ARGLU1: variants seen among roughly 807,000 people sequenced by gnomAD.
ARGLU1 encodes the protein arginine and glutamate-rich protein 1.
In ARGLU1, 9 loss-of-function variants were observed where a neutral mutation model predicts 37.6. That is an observed-to-expected ratio of 0.24 (90% CI 0.14 to 0.42). The LOEUF is 0.42. ARGLU1 is among the 10% of genes least tolerant of loss of function. The pLI, the probability that ARGLU1 is intolerant of heterozygous loss-of-function variation, is 1.00. For missense variants in ARGLU1, 211 were observed against 359.2 expected, an observed-to-expected ratio of 0.59 and a Z score of 3.34; for synonymous variants, 166 against 138.5, an observed-to-expected ratio of 1.20 and a Z score of -1.39.
chr13:106,546,034 G>A (rs148652154), intron 3 of ARGLU1, among the ~76,000 whole-genome samples: 9 of 152,088 alleles, frequency 5.9e-5, no homozygotes, highest in East Asian at 1.9e-4. Flanking sequence ...TTTCCCTTCC[G>A]CCACTCAAAT....
In ARGLU1 at chr13:106,547,097, A is replaced by G. The variant is rs1365160837; in HGVS notation, c.658-2937T>C. ...CTGGCCACCACTTTTCTCTCTCTCT[A>G]GGGCCCTCTCTGTCTAGCTTGCTCG... On this transcript the variant is annotated intron_variant, in intron 3 of 3. Transcript: ENST00000400198. Among the ~76,000 whole-genome samples the G allele has an allele frequency of 6.6e-5, 10 of 152,084 alleles. No individual in the cohort carries two copies. The South Asian group carries it at 2.1e-3, about 32-fold the overall frequency.
chr13:106,559,717 C>T, intron 1 of ARGLU1, 60 bp from the exon 2 acceptor site: 2 of 1,522,966 alleles, frequency 1.3e-6, no homozygotes, highest in South Asian at 2.6e-5. Context: ...TAAATTTAAA[C>T]AAAACTAGTT....
At chr13:106,556,119 G>A (rs1303009978) in intron 3 of ARGLU1, among the ~76,000 whole-genome samples, 1 of 152,114 alleles carries the variant, frequency 6.6e-6, no homozygotes, top group Non-Finnish European at 1.5e-5. Flanking sequence ...TTATTCATAA[G>A]CATGCAGCAA....
chr13:106,559,851 T>C (rs1181108288), intron 1 of ARGLU1, among the ~76,000 whole-genome samples, 194 bp from the exon 2 acceptor site: 1 of 152,202 alleles, frequency 6.6e-6, no homozygotes, highest in Admixed American at 6.5e-5. Context: ...CAAATGAGTA[T>C]AAAATCTTTT....
chr13:106,543,825 G>GAAA lies in ARGLU1; in HGVS notation c.*168_*170dup, dbSNP rs11349875. Reference sequence around the variant, plus strand: ...TGATAAGGATTTGACTTAGTGGAAGGAAAAAAAAAAAAAAAAAGGGAATTG... The same window carrying GAAA: ...TGATAAGGATTTGACTTAGTGGAAGGAAAAAAAAAAAAAAAAAAAAGGGAATTG... On this transcript the variant is annotated 3_prime_UTR_variant, in exon 4 of 4. Transcript: ENST00000400198. 4.0e-3 allele frequency: 1,627 copies of GAAA among 409,058 alleles called. 19 individuals carry two copies. The highest frequency in any genetic ancestry group is 0.036 in the African/African-American group (1,380 of 37,954). The allele number at this position is 409,058 out of a possible 1,614,324, so 25.3% of individuals were successfully genotyped here. A position where few individuals can be genotyped will look rare whatever the true frequency, so the allele number is the denominator to read the frequency against.
At chr13:106,548,851 C>A (rs892783454) in intron 3 of ARGLU1, among the ~76,000 whole-genome samples, 4 of 152,144 alleles carry the variant, frequency 2.6e-5, no homozygotes, top group African/African-American at 9.7e-5. Context: ...CGGGTTCATG[C>A]GATTCTCCTG....
At chr13:106,544,188 T>G in intron 3 of ARGLU1, 28 bp from the exon 4 acceptor site, 1 of 1,508,504 alleles carries the variant, frequency 6.6e-7, no homozygotes, top group African/African-American at 1.4e-5. Flanking sequence ...AAATTAATTA[T>G]AGAAATGTAT....
At chr13:106,553,871 T>C (rs1349292100) in intron 3 of ARGLU1, among the ~76,000 whole-genome samples, 1 of 152,246 alleles carries the variant, frequency 6.6e-6, no homozygotes, top group Non-Finnish European at 1.5e-5. Flanking sequence ...TATAATCCAC[T>C]TTCCACACAA....
At chr13:106,559,729 T>A in intron 1 of ARGLU1, 72 bp from the exon 2 acceptor site, 1 of 1,482,878 alleles carries the variant, frequency 6.7e-7, no homozygotes, top group Non-Finnish European at 9.1e-7. Context: ...AAACTAGTTT[T>A]AAGTCTATCA....
At chr13:106,545,619 A>G (rs887740271) in intron 3 of ARGLU1, among the ~76,000 whole-genome samples, 2 of 152,228 alleles carry the variant, frequency 1.3e-5, no homozygotes, top group Non-Finnish European at 2.9e-5. Flanking sequence ...TTTATGGCAG[A>G]GGAAGATGGA....
At chr13:106,544,910 A>C (rs563466062) in intron 3 of ARGLU1, among the ~76,000 whole-genome samples, 6 of 152,248 alleles carry the variant, frequency 3.9e-5, no homozygotes, top group Non-Finnish European at 8.8e-5. Context: ...GGTATAACTG[A>C]TTCCACTCCT....
intron 2 of ARGLU1, chr13:106,558,835 T>C (rs996793011): frequency 1.6e-4 from 162 of 985,322 alleles, no homozygotes; most frequent in Non-Finnish European, 1.9e-4. Flanking sequence ...AAAGATTCCT[T>C]GAAACACATT....
At position 106,543,928 on chromosome 13, in the gene ARGLU1, C is replaced by G. The variant is rs1321376976; in HGVS notation, c.*68G>C. 35 of 1,451,094 alleles carry G rather than the reference C, an allele frequency of 2.4e-5. No individual in the cohort carries two copies. The highest frequency in any genetic ancestry group is 3.1e-5 in the Non-Finnish European group (34 of 1,086,952). 89.9% of individuals were successfully genotyped at this position (1,451,094 alleles called of 1,614,324 possible). ...AAAAACAAAAACAAAAACAAAAAAC[C>G]ACTTCAACATGAAGCTACCATACAA... is the stretch of plus-strand genomic sequence containing the variant. On this transcript the variant is annotated 3_prime_UTR_variant, in exon 4 of 4. Coordinates refer to ENST00000400198, the MANE Select transcript of ARGLU1 (RefSeq NM_018011.4).
chr13:106,546,443 C>T (rs151161157), intron 3 of ARGLU1, among the ~76,000 whole-genome samples: 66 of 152,324 alleles, frequency 4.3e-4, no homozygotes, highest in African/African-American at 1.6e-3. Context: ...TTCTTTCCTT[C>T]TATGGAAATC....
rs988273946 is a variant in ARGLU1, at chr13:106,542,359, A to T, written c.*1637T>A. The T allele has an allele frequency of 6.6e-6, 1 of 152,142 alleles. No individual in the cohort carries two copies. Among genetic ancestry groups the T allele is most frequent in the African/African-American group, 2.4e-5 (1 of 41,560 alleles). 9.4% of individuals were successfully genotyped at this position (152,142 alleles called of 1,614,324 possible). ...GCTAACCTATATTTAGAGATAAAAT[A>T]TTTTTTGGCAACCTATATTCTTTAG... On this transcript the variant is annotated 3_prime_UTR_variant, in exon 4 of 4. Transcript: ENST00000400198.
chr13:106,567,492 C>T lies in ARGLU1; in HGVS notation c.347+81G>A. ...CCGTCCCCGCCATTCTCCCGGCCCG[C>T]ACCGTCCCGCCCCGGCCCCACGCCC... On this transcript the variant is annotated intron_variant, in intron 1 of 3. Transcript: ENST00000400198. The surrounding 1 kb of genome is among the most constrained non-coding windows in gnomAD (Gnocchi z 4.3). 2 of 1,040,752 alleles carry T rather than the reference C, an allele frequency of 1.9e-6. No homozygotes were observed. Among genetic ancestry groups the T allele is most frequent in the South Asian group, 2.8e-5 (2 of 72,212 alleles). 64.5% of individuals were successfully genotyped at this position (1,040,752 alleles called of 1,614,324 possible).
At chr13:106,553,519 G>C (rs1434577206) in intron 3 of ARGLU1, among the ~76,000 whole-genome samples, 2 of 152,046 alleles carry the variant, frequency 1.3e-5, no homozygotes, top group Non-Finnish European at 2.9e-5. Flanking sequence ...ATTGTCTTTG[G>C]AAACTGTTAT....
chr13:106,550,023 T>G (rs1880495837), intron 3 of ARGLU1, among the ~76,000 whole-genome samples: 1 of 152,204 alleles, frequency 6.6e-6, no homozygotes, highest in African/African-American at 2.4e-5. Flanking sequence ...TATCCTACAT[T>G]CTCTCTTTTT....
rs370354849 is a variant in ARGLU1 at position 106,542,152 on chromosome 13, C to T, written c.*1844G>A. 55 of 152,162 alleles carry T rather than the reference C, an allele frequency of 3.6e-4. No individual in the cohort carries two copies. Among genetic ancestry groups the T allele is most frequent in the Middle Eastern group, 3.4e-3 (1 of 294 alleles). The allele number at this position is 152,162 out of a possible 1,614,324, so 9.4% of individuals were successfully genotyped here. A position where few individuals can be genotyped will look rare whatever the true frequency, so the allele number is the denominator to read the frequency against. On this transcript the variant is annotated 3_prime_UTR_variant, in exon 4 of 4. Transcript: ENST00000400198. ...CTTAAAAAAAAAATTAAAAGGCACG[C>T]ATAAGCTGATTTCAAATATTTTAAG... is the stretch of plus-strand genomic sequence containing the variant.
Sources: allele counts gnomAD v4.1 joint callset (sites outside exome capture counted in the v4.1 genomes callset), GRCh38; gene constraint gnomAD v4.1.1; non-coding constraint Gnocchi (gnomAD v3.1); transcripts MANE v1.5; gene names NCBI Gene and HGNC (gene_info 2026-07-23, HGNC 2026-07-21).